RPL21: variants seen among roughly 807,000 people sequenced by gnomAD.
RPL21 encodes the protein large ribosomal subunit protein eL21.
Under a neutral mutation model 21.2 loss-of-function variants are expected in RPL21, and 1 was observed. The ratio of observed to expected loss-of-function variants is 0.05; its 90% CI spans 0.02 to 0.22. The LOEUF (loss-of-function observed/expected upper bound fraction) is 0.22. Ranked by LOEUF, RPL21 falls within the 10% of genes least tolerant of loss-of-function variation. The probability of loss-of-function intolerance (pLI) is 1.00; values close to 1 mark genes in which losing one functional copy is unlikely to be tolerated. For missense variants in RPL21, 113 were observed against 199.4 expected, an observed-to-expected ratio of 0.57 and a Z score of 2.61; for synonymous variants, 52 against 62.9, an observed-to-expected ratio of 0.83 and a Z score of 0.82.
chr13:27,252,048 T>TGGTAGTA (rs1428167561), intron 1 of RPL21, among the ~76,000 whole-genome samples: 1 of 152,064 alleles, frequency 6.6e-6, no homozygotes. Flanking sequence ...GTAGTAGGAA[T>TGGTAGTA]GGGTTTAAAG....
At chr13:27,255,041 A>G (rs1881829585) in intron 3 of RPL21, 1 of 748,118 alleles carries the variant, frequency 1.3e-6, no homozygotes, top group African/African-American at 1.7e-5. Context: ...TGTGACCTGG[A>G]TTTAAATGTA....
Position 27,253,640 on chromosome 13 carries a change from T to C in RPL21, c.-12-125T>C, listed in dbSNP as rs1230724665. The C allele has an allele frequency of 1.2e-5, 8 of 692,634 alleles. No homozygotes were observed. In the East Asian group the frequency reaches 1.9e-4, roughly 17 times the overall value. 42.9% of individuals were successfully genotyped at this position (692,634 alleles called of 1,614,324 possible). A position where few individuals can be genotyped will look rare whatever the true frequency, so the allele number is the denominator to read the frequency against. On this transcript the variant is annotated intron_variant, in intron 1 of 5. Transcript: ENST00000311549. The stretch of plus-strand genomic sequence containing the variant: ...TAACCTTTCAACAGAACTAACTGCT[T>C]GGTGATCCAGCTTTCAGTTTGCAGT...
At chr13:27,256,372 A>C in intron 5 of RPL21, 38 bp downstream of exon 5, 1 of 1,598,256 alleles carries the variant, frequency 6.3e-7, no homozygotes, top group Non-Finnish European at 8.6e-7. Flanking sequence ...TTCTGAGAGC[A>C]CTTTAAGGTT....
intron 4 of RPL21, 110 bp downstream of exon 4, chr13:27,255,464 A>C: frequency 1.3e-6 from 1 of 771,952 alleles, no homozygotes; most frequent in Admixed American, 1.7e-5. Flanking sequence ...GGGGCAAAGG[A>C]AATATCCTTT....
intron 1 of RPL21, among the ~76,000 whole-genome samples, chr13:27,252,060 C>T (rs1881675914): frequency 6.6e-6 from 1 of 152,018 alleles, no homozygotes; most frequent in South Asian, 2.1e-4. Flanking sequence ...GGTTTAAAGT[C>T]AGGCGTCGGC....
chr13:27,254,928 A>T (rs1881824258), intron 3 of RPL21: 1 of 456,130 alleles, frequency 2.2e-6, no homozygotes, highest in South Asian at 1.9e-5. Context: ...GGAAATTATG[A>T]GTTTATCAAG....
rs543897927 is a variant in RPL21, at chr13:27,253,636, T to C, written c.-12-129T>C. ...TTTTTAACCTTTCAACAGAACTAAC[T>C]GCTTGGTGATCCAGCTTTCAGTTTG... On this transcript the variant is annotated intron_variant, in intron 1 of 5. Coordinates refer to ENST00000311549, the MANE Select transcript of RPL21 (RefSeq NM_000982.4). The C allele has an allele frequency of 1.0e-5, 7 of 687,990 alleles. No individual in the cohort carries two copies. The Admixed American group carries it at 1.2e-4, about 12-fold the overall frequency. 42.6% of individuals were successfully genotyped at this position (687,990 alleles called of 1,614,324 possible). A position where few individuals can be genotyped will look rare whatever the true frequency, so the allele number is the denominator to read the frequency against.
chr13:27,252,547 C>G (rs1024023556), intron 1 of RPL21, among the ~76,000 whole-genome samples: 6 of 152,122 alleles, frequency 3.9e-5, no homozygotes. Flanking sequence ...GGATTATGGG[C>G]TCTGGAATCA....
chr13:27,252,589 AT>A (rs1339048451), intron 1 of RPL21, among the ~76,000 whole-genome samples: 1 of 151,034 alleles, frequency 6.6e-6, no homozygotes, highest in Non-Finnish European at 1.5e-5. Flanking sequence ...CCACTTGGTG[AT>A]TCCACAAAGT....
In RPL21 at chr13:27,254,177, A is replaced by T. The variant is rs761261332; in HGVS notation, c.68-43A>T. On this transcript the variant is annotated intron_variant, in intron 2 of 5. Transcript: ENST00000311549. ...TAAAATTGCATTTCTTTTACTCTAGATTTTTAGCCTTAATACTCACTATAC... is the reference window on the plus strand; with the variant it reads ...TAAAATTGCATTTCTTTTACTCTAGTTTTTTAGCCTTAATACTCACTATAC... 5 of 1,216,896 alleles carry T rather than the reference A, an allele frequency of 4.1e-6. No individual in the cohort carries two copies. The South Asian group carries it at 6.0e-5, about 15-fold the overall frequency. 75.4% of individuals were successfully genotyped at this position (1,216,896 alleles called of 1,614,324 possible). A position where few individuals can be genotyped will look rare whatever the true frequency, so the allele number is the denominator to read the frequency against.
chr13:27,255,965 ATC>A (rs1881884365), intron 4 of RPL21: 2 of 534,544 alleles, frequency 3.7e-6, no homozygotes, highest in African/African-American at 3.8e-5. Context: ...AGAGACCATC[ATC>A]TCATCAAAGA....
intron 1 of RPL21, among the ~76,000 whole-genome samples, chr13:27,253,185 A>G (rs1045654624): frequency 1.4e-4 from 22 of 152,214 alleles, no homozygotes; most frequent in Non-Finnish European, 2.5e-4. Context: ...TAAGTGGCAG[A>G]GCCTATGTCA....
chr13:27,256,285 A>G lies in RPL21; in HGVS notation c.344A>G (p.Lys115Arg). 6.2e-7 allele frequency: 1 copy of G among 1,606,320 alleles called. No homozygotes were observed. Among genetic ancestry groups the G allele is most frequent in the Non-Finnish European group, 8.5e-7 (1 of 1,175,134 alleles). Residue 115 changes from lysine (K) to arginine (R), a missense_variant, in exon 5 of 6, where the codon AAA (lysine) becomes AGA (arginine). Physicochemically the swap from Lys to Arg is conservative, Grantham distance 26. Coordinates refer to ENST00000311549, the MANE Select transcript of RPL21 (RefSeq NM_000982.4). ...FLKRVKENDQKKKEAKEKGTW... is the reference protein window; with the variant it reads ...FLKRVKENDQRKKEAKEKGTW... The stretch of plus-strand genomic sequence containing the variant: ...AAACGTGTGAAGGAAAATGATCAGA[A>G]AAAGAAAGAAGCCAAAGAGAAAGGT...
chr13:27,254,360 G>A lies in RPL21; in HGVS notation c.129+79G>A, dbSNP rs149923803. The A allele has an allele frequency of 2.3e-4, 159 of 704,888 alleles. 1 individual carries two copies. In the African/African-American group the frequency reaches 2.3e-3, roughly 10 times the overall value. The allele number at this position is 704,888 out of a possible 1,614,324, so 43.7% of individuals were successfully genotyped here. On this transcript the variant is annotated intron_variant, in intron 3 of 5. Transcript: ENST00000311549. ...ATCTAGTGTAGGAATTCAAATACTA[G>A]TGTATGTTGCATCTGTAAGAGTATA...
At chr13:27,255,614 C>G in intron 4 of RPL21, 1 of 572,078 alleles carries the variant, frequency 1.7e-6, no homozygotes, top group Non-Finnish European at 3.3e-6. Context: ...CTCTGTCGCC[C>G]TGGCTGGAGT....
intron 1 of RPL21, among the ~76,000 whole-genome samples, chr13:27,252,195 GTT>G (rs983531220): frequency 1.3e-5 from 2 of 152,130 alleles, no homozygotes; most frequent in Admixed American, 6.5e-5. Context: ...ATTTCCGACT[GTT>G]TTTAAAATTT....
chr13:27,254,929 G>GT lies in RPL21; in HGVS notation c.130-310dup, dbSNP rs143496694. On this transcript the variant is annotated intron_variant, in intron 3 of 5. Transcript: ENST00000311549. The stretch of plus-strand genomic sequence containing the variant: ...TGGGTGGTAGGGTGGGAAATTATGA[G>GT]TTTATCAAGTTGGAAAGGAACGCCT... 2,970 of 459,540 alleles carry GT rather than the reference G, an allele frequency of 6.5e-3. 79 individuals carry two copies. The highest frequency in any genetic ancestry group is 0.053 in the African/African-American group (2,672 of 50,394). 28.5% of individuals were successfully genotyped at this position (459,540 alleles called of 1,614,324 possible).
intron 1 of RPL21, among the ~76,000 whole-genome samples, chr13:27,253,239 A>G (rs1418188107): frequency 6.6e-6 from 1 of 152,196 alleles, no homozygotes; most frequent in Non-Finnish European, 1.5e-5. Flanking sequence ...CCTCTCTTCT[A>G]CCCTATATAC....
At chr13:27,252,878 C>G (rs1371133158) in intron 1 of RPL21, among the ~76,000 whole-genome samples, 2 of 152,216 alleles carry the variant, frequency 1.3e-5, no homozygotes, top group Non-Finnish European at 2.9e-5. Flanking sequence ...TCAAGCCTGA[C>G]TGCTGTATTT....
Sources: gnomAD v4.1 joint callset for allele counts (sites outside exome capture counted in the v4.1 genomes callset) on GRCh38, gnomAD v4.1.1 for gene constraint, MANE v1.5 for transcripts, NCBI Gene and HGNC (gene_info 2026-07-23, HGNC 2026-07-21) for gene names.